The following CFAP299 variants were observed in gnomAD, a reference collection of about 807,000 sequenced individuals.
CFAP299 encodes the protein cilia- and flagella-associated protein 299.
Under a neutral mutation model 27.0 loss-of-function variants are expected in CFAP299, and 21 were observed. That is an observed-to-expected ratio of 0.78 (90% CI 0.55 to 1.12). The LOEUF (loss-of-function observed/expected upper bound fraction) is 1.12, where lower values mean the gene tolerates loss of function less well. CFAP299 is among the 50% of genes most tolerant of loss of function. The probability of loss-of-function intolerance (pLI) is 0.00; values close to 1 mark genes in which losing one functional copy is unlikely to be tolerated. For synonymous variants in CFAP299, 104 were observed against 98.1 expected (o/e 1.06, Z -0.36); for missense variants, 310 against 276.6 (o/e 1.12, Z -0.86).
intron 3 of CFAP299, among the ~76,000 whole-genome samples, chr4:80,851,119 C>A (rs922925778): frequency 1.3e-5 from 2 of 152,078 alleles, no homozygotes; most frequent in African/African-American, 4.8e-5. Context: ...CAAGGAAAAA[C>A]CTCAAAACTG....
intron 3 of CFAP299, among the ~76,000 whole-genome samples, chr4:80,594,885 A>G (rs956938818): frequency 6.6e-6 from 1 of 152,166 alleles, no homozygotes; most frequent in African/African-American, 2.4e-5. Flanking sequence ...AGTTAGGGTC[A>G]ACTAGTTAGT....
At chr4:80,673,041 C>T (rs1234433472) in intron 3 of CFAP299, among the ~76,000 whole-genome samples, 6 of 149,788 alleles carry the variant, frequency 4.0e-5, no homozygotes, top group South Asian at 2.1e-4. Context: ...TTATTTCTTG[C>T]CTTCTGCTAG....
intron 4 of CFAP299, among the ~76,000 whole-genome samples, chr4:80,912,370 G>A (rs1735519751): frequency 6.6e-6 from 1 of 152,114 alleles, no homozygotes. Flanking sequence ...GGGGTAGAAT[G>A]AGCGAGAAAG....
intron 3 of CFAP299, among the ~76,000 whole-genome samples, chr4:80,623,243 G>A (rs1392933855): frequency 3.3e-5 from 5 of 149,290 alleles, no homozygotes; most frequent in African/African-American, 1.3e-4. Context: ...TCTAAAGTAT[G>A]TAAGTAAACT....
chr4:80,575,550 T>C (rs886079529), intron 2 of CFAP299, among the ~76,000 whole-genome samples: 2 of 151,932 alleles, frequency 1.3e-5, no homozygotes, highest in East Asian at 1.9e-4. Flanking sequence ...TTTTTCGCAG[T>C]CTGGCTAGAG....
intron 2 of CFAP299, among the ~76,000 whole-genome samples, chr4:80,545,490 G>A (rs1578578598): frequency 1.3e-5 from 2 of 151,838 alleles, no homozygotes; most frequent in Admixed American, 1.3e-4. Flanking sequence ...TTACAAATTC[G>A]AAAACCTAGA....
intron 3 of CFAP299, among the ~76,000 whole-genome samples, chr4:80,701,559 A>G (rs571689464): frequency 8.2e-4 from 125 of 151,932 alleles, no homozygotes; most frequent in Non-Finnish European, 1.2e-3. Flanking sequence ...ATTTATCTAC[A>G]CTGGTTTTAG....
intron 2 of CFAP299, among the ~76,000 whole-genome samples, chr4:80,456,163 G>T (rs924231225): frequency 6.6e-6 from 1 of 152,058 alleles, no homozygotes; most frequent in African/African-American, 2.4e-5. Flanking sequence ...CCCATGCTTG[G>T]ACACAGCAAG....
chr4:80,659,821 C>A (rs1740746823), intron 3 of CFAP299, among the ~76,000 whole-genome samples: 1 of 151,780 alleles, frequency 6.6e-6, no homozygotes, highest in South Asian at 2.1e-4. Context: ...TTCAAGGTAA[C>A]CAAATAAGTG....
At chr4:80,762,156 AT>A (rs1387496684) in intron 3 of CFAP299, among the ~76,000 whole-genome samples, 1 of 151,808 alleles carries the variant, frequency 6.6e-6, no homozygotes, top group East Asian at 1.9e-4. Flanking sequence ...TATATATTAC[AT>A]TTTATACAAT....
intron 3 of CFAP299, among the ~76,000 whole-genome samples, chr4:80,605,904 A>G (rs1737642627): frequency 6.6e-6 from 1 of 151,844 alleles, no homozygotes; most frequent in Non-Finnish European, 1.5e-5. Flanking sequence ...ATTGTTTTCT[A>G]TTGGTTTAGA....
chr4:80,567,020 A>C (rs1311963523), intron 2 of CFAP299, among the ~76,000 whole-genome samples: 1 of 152,046 alleles, frequency 6.6e-6, no homozygotes, highest in African/African-American at 2.4e-5. Context: ...TAAAATAAAA[A>C]AAAAACAAAA....
chr4:80,431,979 A>T (rs1727838484), intron 2 of CFAP299, among the ~76,000 whole-genome samples: 1 of 152,176 alleles, frequency 6.6e-6, no homozygotes, highest in African/African-American at 2.4e-5. Context: ...CTCTATAAGG[A>T]TAGGGACATT....
intron 2 of CFAP299, among the ~76,000 whole-genome samples, chr4:80,523,407 T>A (rs1212761362): frequency 6.6e-6 from 1 of 152,122 alleles, no homozygotes; most frequent in Non-Finnish European, 1.5e-5. Flanking sequence ...TAATAGAATG[T>A]TTTATTGGAT....
At chr4:80,368,086 A>T (rs1005191119) in intron 2 of CFAP299, among the ~76,000 whole-genome samples, 3 of 152,222 alleles carry the variant, frequency 2.0e-5, no homozygotes, top group Non-Finnish European at 4.4e-5. Flanking sequence ...GTTCTGAGAT[A>T]ATGACCTTAT....
At chr4:80,481,344 AT>A (rs1730558997) in intron 2 of CFAP299, among the ~76,000 whole-genome samples, 1 of 152,142 alleles carries the variant, frequency 6.6e-6, no homozygotes, top group African/African-American at 2.4e-5. Context: ...TGCATAGCAA[AT>A]AATACAATAT....
At chr4:80,854,942 T>C (rs1386578751) in intron 3 of CFAP299, among the ~76,000 whole-genome samples, 2 of 151,308 alleles carry the variant, frequency 1.3e-5, no homozygotes, top group East Asian at 3.9e-4. Flanking sequence ...ATTCTGATGC[T>C]ACACTGTGGA....
intron 2 of CFAP299, among the ~76,000 whole-genome samples, chr4:80,408,381 T>C (rs1245978268): frequency 2.6e-5 from 4 of 152,226 alleles, no homozygotes; most frequent in Non-Finnish European, 5.9e-5. Flanking sequence ...GAATTGAAGA[T>C]TTCTCAGTCA....
chr4:80,891,776 AT>A (rs1734295266), intron 4 of CFAP299, among the ~76,000 whole-genome samples: 2 of 100,460 alleles, frequency 2.0e-5, no homozygotes, highest in Admixed American at 9.7e-5. Context: ...AAAAAAAAAA[AT>A]TAAAAAAAAA....
Sources: gnomAD v4.1 joint callset for allele counts (sites outside exome capture counted in the v4.1 genomes callset) on GRCh38, gnomAD v4.1.1 for gene constraint, MANE v1.5 for transcripts, NCBI Gene and HGNC (gene_info 2026-07-23, HGNC 2026-07-21) for gene names.